SLX4IP: variants seen among roughly 807,000 people sequenced by gnomAD.
SLX4IP encodes SLX4 interacting protein.
In SLX4IP, 34 loss-of-function variants were observed where a neutral mutation model predicts 32.9. That is an observed-to-expected ratio of 1.03 (90% CI 0.79 to 1.38). SLX4IP has a LOEUF of 1.38. SLX4IP is among the 40% of genes most tolerant of loss of function. The pLI, the probability that SLX4IP is intolerant of heterozygous loss-of-function variation, is 0.00. For synonymous variants in SLX4IP, 172 were observed against 171.7 expected (o/e 1.00, Z -0.01); for missense variants, 444 against 479.0 (o/e 0.93, Z 0.68).
At chr20:10,577,445 G>A (rs559403798) in intron 4 of SLX4IP, among the ~76,000 whole-genome samples, 1 of 152,152 alleles carries the variant, frequency 6.6e-6, no homozygotes, top group African/African-American at 2.4e-5. Flanking sequence ...GGCCTGGCAT[G>A]ATGGCTCACT....
At chr20:10,482,294 G>A (rs1315783111) in intron 2 of SLX4IP, among the ~76,000 whole-genome samples, 1 of 151,994 alleles carries the variant, frequency 6.6e-6, no homozygotes. Flanking sequence ...GTGCCTTTTT[G>A]CATTGTGCTT....
chr20:10,521,498 C>T (rs1307021565), intron 2 of SLX4IP, among the ~76,000 whole-genome samples: 2 of 152,144 alleles, frequency 1.3e-5, no homozygotes, highest in African/African-American at 4.8e-5. Flanking sequence ...GAACCTGATG[C>T]CCAGGCTAGT....
chr20:10,440,286 C>G (rs1483899589), intron 1 of SLX4IP, among the ~76,000 whole-genome samples: 1 of 151,902 alleles, frequency 6.6e-6, no homozygotes, highest in Admixed American at 6.6e-5. Context: ...GAAACCCTGT[C>G]TCTACTAAAA....
chr20:10,466,531 C>T (rs561104391), intron 2 of SLX4IP, among the ~76,000 whole-genome samples: 4 of 152,072 alleles, frequency 2.6e-5, no homozygotes, highest in Admixed American at 6.6e-5. Context: ...GCTTCCCTAG[C>T]GGTGGCAGCC....
At chr20:10,440,136 A>ATTTTTTTTTTTTTTTT (rs577778324) in intron 1 of SLX4IP, among the ~76,000 whole-genome samples, 2 of 143,076 alleles carry the variant, frequency 1.4e-5, no homozygotes, top group African/African-American at 2.5e-5. Flanking sequence ...AAAAGATTGC[A>ATTTTTTTTTTTTTTTT]TTTTTTTTTT....
At chr20:10,607,238 C>A (rs994085042) in intron 6 of SLX4IP, among the ~76,000 whole-genome samples, 1 of 152,136 alleles carries the variant, frequency 6.6e-6, no homozygotes, top group South Asian at 2.1e-4. Context: ...GGAGCAGACT[C>A]TCTTTTGCCC....
In SLX4IP at chr20:10,475,027, C is replaced by T. The variant is rs149049227; in HGVS notation, c.27+16796C>T. On this transcript the variant is annotated intron_variant, in intron 2 of 7. Transcript: ENST00000334534. ...CCTTCTTTGGGCAAGCACGTGGAGC[C>T]GCTCAAGTAAAGCTGCTCTTCATTG... Among the ~76,000 whole-genome samples, 10 of 152,280 alleles carry T rather than the reference C, an allele frequency of 6.6e-5. No homozygotes were observed. The East Asian group carries it at 1.4e-3, about 21-fold the overall frequency.
intron 2 of SLX4IP, among the ~76,000 whole-genome samples, chr20:10,532,414 C>T (rs1454432081): frequency 2.0e-5 from 3 of 151,970 alleles, no homozygotes; most frequent in Non-Finnish European, 4.4e-5. Context: ...ATCAAAGGGC[C>T]CTCTGTCTGG....
chr20:10,622,996 T>A lies in SLX4IP; in HGVS notation c.844T>A (p.Cys282Ser), dbSNP rs1172190410. 1 of 1,614,172 alleles carries A rather than the reference T, an allele frequency of 6.2e-7. No homozygotes were observed. The highest frequency in any genetic ancestry group is 2.2e-5 in the East Asian group (1 of 44,866). ...PVCSCESASPCPKQSPRVAKT... is the reference protein window; with the variant it reads ...PVCSCESASPSPKQSPRVAKT... ...CTGTAGCTGTGAGTCAGCATCACCATGTCCAAAACAAAGTCCACGAGTGGC... is the reference window on the plus strand; with the variant it reads ...CTGTAGCTGTGAGTCAGCATCACCAAGTCCAAAACAAAGTCCACGAGTGGC... Residue 282 changes from cysteine (C) to serine (S), a missense_variant, in exon 8 of 8, where the codon TGT (cysteine) becomes AGT (serine). Coordinates refer to ENST00000334534, the MANE Select transcript of SLX4IP (RefSeq NM_001009608.3).
chr20:10,440,810 T>G (rs1396132789), intron 1 of SLX4IP, among the ~76,000 whole-genome samples: 1 of 152,254 alleles, frequency 6.6e-6, no homozygotes, highest in Non-Finnish European at 1.5e-5. Flanking sequence ...ATCAGAGTTC[T>G]TGGGTTACAA....
At chr20:10,515,388 C>A (rs1317092146) in intron 2 of SLX4IP, among the ~76,000 whole-genome samples, 1 of 152,116 alleles carries the variant, frequency 6.6e-6, no homozygotes, top group Non-Finnish European at 1.5e-5. Flanking sequence ...CCAGACCTAG[C>A]TGAAGCATGT....
intron 1 of SLX4IP, among the ~76,000 whole-genome samples, chr20:10,441,940 A>C (rs1405429515): frequency 6.6e-6 from 1 of 152,118 alleles, no homozygotes; most frequent in Non-Finnish European, 1.5e-5. Flanking sequence ...AGATTGGTGC[A>C]TGTGTTGGGA....
chr20:10,486,201 T>TC (rs1432578752), intron 2 of SLX4IP, among the ~76,000 whole-genome samples: 2 of 143,524 alleles, frequency 1.4e-5, no homozygotes, highest in African/African-American at 5.1e-5. Flanking sequence ...TTTTTTTTTT[T>TC]TACTAGGTAG....
At position 10,622,740 on chromosome 20, in the gene SLX4IP, A is replaced by G. The variant is rs370091342; in HGVS notation, c.588A>G (p.Ser196=). Residue 196 remains serine (S), a synonymous_variant, in exon 8 of 8, where the codon TCA becomes TCG. Transcript: ENST00000334534. ...ACACTGTGGAAACATCTAGTGACTC[A>G]GTGATTGCAGAGATAGCAAGGAGGA... ...RRDTVETSSD[S]VIAEIARRRN... is the part of the protein sequence containing the mutation. 1.2e-6 allele frequency: 2 copies of G among 1,614,078 alleles called. No homozygotes were observed. Among genetic ancestry groups the G allele is most frequent in the Admixed American group, 3.3e-5 (2 of 60,004 alleles).
intron 1 of SLX4IP, among the ~76,000 whole-genome samples, chr20:10,449,589 A>G (rs1415474915): frequency 1.3e-5 from 2 of 152,182 alleles, no homozygotes; most frequent in Non-Finnish European, 2.9e-5. Context: ...CTGGTCCCAT[A>G]AGTTCTCATT....
intron 6 of SLX4IP, among the ~76,000 whole-genome samples, chr20:10,616,041 C>T (rs908007042): frequency 1.3e-5 from 2 of 152,178 alleles, no homozygotes; most frequent in Admixed American, 1.3e-4. Flanking sequence ...AAACTGATTT[C>T]TTGGTCTTAT....
chr20:10,608,855 A>G (rs747720426), intron 6 of SLX4IP, among the ~76,000 whole-genome samples: 1 of 152,082 alleles, frequency 6.6e-6, no homozygotes, highest in Non-Finnish European at 1.5e-5. Context: ...ACCTGACACT[A>G]TCATTCTGCT....
chr20:10,546,087 T>C (rs1179509856), intron 2 of SLX4IP, among the ~76,000 whole-genome samples: 1 of 152,228 alleles, frequency 6.6e-6, no homozygotes, highest in African/African-American at 2.4e-5. Context: ...TTGTGGGTGC[T>C]GATATTCCTG....
intron 2 of SLX4IP, among the ~76,000 whole-genome samples, chr20:10,494,640 G>A (rs1395874155): frequency 6.6e-6 from 1 of 151,988 alleles, no homozygotes; most frequent in Non-Finnish European, 1.5e-5. Flanking sequence ...ATTTGGTTTT[G>A]TTAATATTTG....
Sources: gnomAD v4.1 joint callset for allele counts (sites outside exome capture counted in the v4.1 genomes callset) on GRCh38, gnomAD v4.1.1 for gene constraint, MANE v1.5 for transcripts, NCBI Gene and HGNC (gene_info 2026-07-23, HGNC 2026-07-21) for gene names.